The following TBX4 variants were observed in gnomAD, a reference collection of about 807,000 sequenced individuals.
TBX4 encodes the protein T-box transcription factor TBX4.
Under a neutral mutation model 54.6 loss-of-function variants are expected in TBX4, and 13 were observed. The observed-to-expected ratio is 0.24, with a 90% CI of 0.15 to 0.38. The LOEUF is 0.38. Among genes scored for constraint, TBX4 ranks in the 10% least tolerant of loss-of-function variants. The pLI is 1.00. For missense variants in TBX4, 631 were observed against 728.5 expected, an observed-to-expected ratio of 0.87 and a Z score of 1.54; for synonymous variants, 314 against 306.7, an observed-to-expected ratio of 1.02 and a Z score of -0.25.
At chr17:61,454,515 G>C (rs2060433372) in intron 1 of TBX4, among the ~76,000 whole-genome samples, 1 of 152,250 alleles carries the variant, frequency 6.6e-6, no homozygotes, top group African/African-American at 2.4e-5. Context: ...CGCGAGGACG[G>C]CCGCCCCGGG....
In TBX4 at chr17:61,474,745, A is replaced by G. The variant is rs899804447; in HGVS notation, c.550-3882A>G. 2.0e-5 allele frequency among the ~76,000 whole-genome samples: 3 copies of G among 152,234 alleles called. No individual in the cohort carries two copies. The highest frequency in any genetic ancestry group is 4.4e-5 in the Non-Finnish European group (3 of 68,048). ...CCCATATCCTCTGCAGCAAATATAA[A>G]TGTGAAACTCTGGCAAAGTAGTTTA... is the stretch of plus-strand genomic sequence containing the variant. On this transcript the variant is annotated intron_variant, in intron 5 of 8. Transcript: ENST00000644296. The surrounding 1 kb of genome is among the most constrained non-coding windows in gnomAD (Gnocchi z 4.6).
chr17:61,473,447 C>T (rs1273582120), intron 5 of TBX4, among the ~76,000 whole-genome samples: 3 of 152,232 alleles, frequency 2.0e-5, no homozygotes, highest in Admixed American at 6.5e-5. Flanking sequence ...GGTAATCAGA[C>T]AGCAAAGCCA....
intron 5 of TBX4, among the ~76,000 whole-genome samples, chr17:61,471,648 A>G (rs2060578802): frequency 6.6e-6 from 1 of 151,442 alleles, no homozygotes; most frequent in Non-Finnish European, 1.5e-5. Context: ...TTTGCTCTGT[A>G]AACTTAATAA....
At position 61,478,892 on chromosome 17, in the gene TBX4, C is replaced by G; in HGVS notation, c.702+113C>G. ...AGAGTCCCAGCAGGGCTTGGGCAGG[C>G]CCAGTGCAGGGACCTCAGAAGCCTA... On this transcript the variant is annotated intron_variant, in intron 6 of 8. Transcript: ENST00000644296. This position sits in a 1 kb window ranked among gnomAD's most constrained non-coding sequence, Gnocchi z 7.4. 6.4e-7 allele frequency: 1 copy of G among 1,554,330 alleles called. No individual in the cohort carries two copies.
chr17:61,456,124 G>A (rs1257151509), intron 1 of TBX4, among the ~76,000 whole-genome samples: 1 of 152,202 alleles, frequency 6.6e-6, no homozygotes, highest in African/African-American at 2.4e-5. Flanking sequence ...TTGGGGAACA[G>A]CCGAGAAGGC....
In TBX4 at chr17:61,480,391, A is replaced by G; in HGVS notation, c.1021+72A>G. ...GAGGTTCTCCCCGAAACCACTCTGC[A>G]GCGCCCCCCCCCCCAACACACACAC... On this transcript the variant is annotated intron_variant, in intron 8 of 8. Transcript: ENST00000644296. This position sits in a 1 kb window ranked among gnomAD's most constrained non-coding sequence, Gnocchi z 6.2. 8.6e-7 allele frequency: 1 copy of G among 1,159,118 alleles called. No individual in the cohort carries two copies. The highest frequency in any genetic ancestry group is 1.7e-5 in the African/African-American group (1 of 59,020). The allele number at this position is 1,159,118 out of a possible 1,614,324, so 71.8% of individuals were successfully genotyped here. A position where few individuals can be genotyped will look rare whatever the true frequency, so the allele number is the denominator to read the frequency against.
rs1341515091 is a variant in TBX4, at chr17:61,459,797, T to A, written c.281+2166T>A. ...CTTTCACTTCTCTGGCAGAAAGTTA[T>A]CCTTGCACTGGGTCTGGTTCTTAAG... On this transcript the variant is annotated intron_variant, in intron 3 of 8. Transcript: ENST00000644296. The surrounding 1 kb of genome is among the most constrained non-coding windows in gnomAD (Gnocchi z 4.8). Among the ~76,000 whole-genome samples the A allele has an allele frequency of 6.6e-6, 1 of 152,202 alleles. No homozygotes were observed. Among genetic ancestry groups the A allele is most frequent in the Non-Finnish European group, 1.5e-5 (1 of 68,038 alleles).
intron 4 of TBX4, 39 bp from the exon 5 acceptor site, chr17:61,467,471 C>T: frequency 6.2e-7 from 1 of 1,614,048 alleles, no homozygotes; most frequent in African/African-American, 1.3e-5. Context: ...CTCACCAGCC[C>T]CTGGAGTAAT....
At position 61,478,628 on chromosome 17, in the gene TBX4, T is replaced by G; in HGVS notation, c.551T>G (p.Ile184Ser). The change falls in exon 6 of 9, where the codon ATC becomes AGC. Residue 184 changes from isoleucine to serine, a missense_variant and splice_region_variant. Coordinates refer to ENST00000644296, the MANE Select transcript of TBX4 (RefSeq NM_001321120.2). The surrounding 1 kb of genome is among the most constrained non-coding windows in gnomAD (Gnocchi z 7.4). ...CAGCATGAGACCCTTCTCTTCCAGA[T>G]CATCCTCAACTCTATGCACAAGTAC... Reference protein sequence around the residue: ...TNNHLDPFGHIILNSMHKYQP... With the variant: ...TNNHLDPFGHSILNSMHKYQP... The G allele has an allele frequency of 6.2e-7, 1 of 1,614,180 alleles. No individual in the cohort carries two copies. Among genetic ancestry groups the G allele is most frequent in the Non-Finnish European group, 8.5e-7 (1 of 1,180,040 alleles).
At position 61,461,561 on chromosome 17, in the gene TBX4, G is replaced by A. The variant is rs2060494644; in HGVS notation, c.281+3930G>A. On this transcript the variant is annotated intron_variant, in intron 3 of 8. Coordinates refer to ENST00000644296, the MANE Select transcript of TBX4 (RefSeq NM_001321120.2). This position sits in a 1 kb window ranked among gnomAD's most constrained non-coding sequence, Gnocchi z 5.1. The stretch of plus-strand genomic sequence containing the variant: ...AGACTCTGAGCTCCAAGGCGCCTGT[G>A]TATGTGTACACACATATATAATTTT... 6.6e-6 allele frequency among the ~76,000 whole-genome samples: 1 copy of A among 152,194 alleles called. No individual in the cohort carries two copies. Among genetic ancestry groups the A allele is most frequent in the Non-Finnish European group, 1.5e-5 (1 of 68,040 alleles).
Position 61,480,253 on chromosome 17 carries a change from C to A in TBX4, c.955C>A (p.Leu319Met). The change falls in exon 8 of 9, where the codon CTG (leucine) becomes ATG (methionine). Residue 319 changes from leucine (L) to methionine (M), a missense_variant. This residue lies in a region of TBX4 where 354 missense variants were observed against 368.9 expected (regional missense o/e 0.96). Transcript: ENST00000644296. This position sits in a 1 kb window ranked among gnomAD's most constrained non-coding sequence, Gnocchi z 6.2. Reference protein sequence around the residue: ...AHSQLAEPQDLPLSTFPTQRD... With the variant: ...AHSQLAEPQDMPLSTFPTQRD... ...CTCACAGCTCGCGGAGCCGCAGGAC[C>A]TGCCCCTCAGCACCTTTCCCACCCA... 2 of 1,614,146 alleles carry A rather than the reference C, an allele frequency of 1.2e-6. No individual in the cohort carries two copies. Among genetic ancestry groups the A allele is most frequent in the Non-Finnish European group, 1.7e-6 (2 of 1,180,024 alleles).
chr17:61,470,216 C>A (rs1267025250), intron 5 of TBX4, among the ~76,000 whole-genome samples: 2 of 152,224 alleles, frequency 1.3e-5, no homozygotes, highest in Non-Finnish European at 2.9e-5. Context: ...CCCATTTCCT[C>A]ATCCCAGGAG....
rs1188443744 is a variant in TBX4, at chr17:61,461,497, AG to A, written c.281+3870del. On this transcript the variant is annotated intron_variant, in intron 3 of 8. Coordinates refer to ENST00000644296, the MANE Select transcript of TBX4 (RefSeq NM_001321120.2). The surrounding 1 kb of genome is among the most constrained non-coding windows in gnomAD (Gnocchi z 5.1). ...AGGGTTGGAGAAACAAAGGGTTTTA[AG>A]GGGACCCCTGCCATTTCACTGCTGT... 1.3e-5 allele frequency among the ~76,000 whole-genome samples: 2 copies of A among 152,116 alleles called. No homozygotes were observed. The highest frequency in any genetic ancestry group is 1.9e-4 in the East Asian group (1 of 5,178).
At chr17:61,456,397 G>C in intron 1 of TBX4, 91 bp from the exon 2 acceptor site, 1 of 1,511,958 alleles carries the variant, frequency 6.6e-7, no homozygotes, top group African/African-American at 1.4e-5. Context: ...TCCGCGCCCC[G>C]CACGAAGTCC....
chr17:61,452,994 G>A, intron 1 of TBX4: 1 of 985,164 alleles, frequency 1.0e-6, no homozygotes, highest in Non-Finnish European at 1.2e-6. Flanking sequence ...ATATGTGAGT[G>A]ATCAGAACAC....
At position 61,478,873 on chromosome 17, in the gene TBX4, C is replaced by T; in HGVS notation, c.702+94C>T. Reference sequence around the variant, plus strand: ...AGAGGCAGAGTGTGAAGCCAGAGTCCCAGCAGGGCTTGGGCAGGCCCAGTG... The same window carrying T: ...AGAGGCAGAGTGTGAAGCCAGAGTCTCAGCAGGGCTTGGGCAGGCCCAGTG... On this transcript the variant is annotated intron_variant, in intron 6 of 8. Transcript: ENST00000644296. This position sits in a 1 kb window ranked among gnomAD's most constrained non-coding sequence, Gnocchi z 7.4. 1.2e-6 allele frequency: 2 copies of T among 1,602,166 alleles called. No individual in the cohort carries two copies. Among genetic ancestry groups the T allele is most frequent in the Non-Finnish European group, 1.7e-6 (2 of 1,170,050 alleles).
intron 4 of TBX4, 75 bp from the exon 5 acceptor site, chr17:61,467,435 C>T: frequency 6.3e-7 from 1 of 1,591,732 alleles, no homozygotes; most frequent in Admixed American, 1.7e-5. Flanking sequence ...TGGGGGTTTG[C>T]TCCAAGAGGG....
At position 61,480,248 on chromosome 17, in the gene TBX4, A is replaced by G. The variant is rs1458164820; in HGVS notation, c.950A>G (p.Gln317Arg). 12 of 1,613,952 alleles carry G rather than the reference A, an allele frequency of 7.4e-6. No individual in the cohort carries two copies. The highest frequency in any genetic ancestry group is 1.3e-5 in the African/African-American group (1 of 74,896). The part of the protein sequence containing the change: ...NGAHSQLAEP[Q>R]DLPLSTFPTQ... ...GCACACTCACAGCTCGCGGAGCCGC[A>G]GGACCTGCCCCTCAGCACCTTTCCC... The change falls in exon 8 of 9, where the codon CAG becomes CGG. Residue 317 changes from glutamine to arginine, a missense_variant. By Grantham distance (43) the Gln-to-Arg change is conservative. This residue lies in a region of TBX4 where 354 missense variants were observed against 368.9 expected (regional missense o/e 0.96). Coordinates refer to ENST00000644296, the MANE Select transcript of TBX4 (RefSeq NM_001321120.2). The surrounding 1 kb of genome is among the most constrained non-coding windows in gnomAD (Gnocchi z 6.2).
At chr17:61,466,795 A>T (rs1331960086) in intron 4 of TBX4, among the ~76,000 whole-genome samples, 2 of 152,248 alleles carry the variant, frequency 1.3e-5, no homozygotes, top group Non-Finnish European at 1.5e-5. Context: ...TTTGGGGACA[A>T]GCCTTTTGAG....
Sources: gnomAD v4.1 joint callset for allele counts (sites outside exome capture counted in the v4.1 genomes callset) on GRCh38, gnomAD v4.1.1 for gene constraint, gnomAD v4.1.1 regional missense constraint, Gnocchi (gnomAD v3.1) non-coding constraint, MANE v1.5 for transcripts, NCBI Gene and HGNC (gene_info 2026-07-23, HGNC 2026-07-21) for gene names.